The following ZNF195 variants were observed in gnomAD, a reference collection of about 807,000 sequenced individuals.
ZNF195 encodes hypoxia-regulated factor-1.
In ZNF195, 11 loss-of-function variants were observed where a neutral mutation model predicts 19.5. The observed-to-expected ratio is 0.57, with a 90% CI of 0.36 to 0.94. The LOEUF is 0.94. ZNF195 is among the 40% of genes least tolerant of loss of function. The probability of loss-of-function intolerance (pLI) is 0.01; values close to 1 mark genes in which losing one functional copy is unlikely to be tolerated. For synonymous variants in ZNF195, 214 were observed against 248.1 expected (o/e 0.86, Z 1.29); for missense variants, 582 against 709.0 (o/e 0.82, Z 2.03).
At chr11:3,369,672 G>A (rs930836036) in intron 3 of ZNF195, among the ~76,000 whole-genome samples, 1 of 152,220 alleles carries the variant, frequency 6.6e-6, no homozygotes, top group Non-Finnish European at 1.5e-5. Flanking sequence ...CTCAGACGTG[G>A]AATCTGTCGT....
chr11:3,375,089 C>T (rs1849390095), intron 1 of ZNF195, among the ~76,000 whole-genome samples: 1 of 152,190 alleles, frequency 6.6e-6, no homozygotes, highest in Admixed American at 6.5e-5. Context: ...AAACCCAAAA[C>T]TCTGATTTAA....
Position 3,371,077 on chromosome 11 carries a change from TA to T in ZNF195, c.131-8del. ...GGCTTACAGACAGTGAGACCTGTTTTATTAGAAAAAAGTGACATTACTCTTG... is the reference window on the plus strand; with the variant it reads ...GGCTTACAGACAGTGAGACCTGTTTTTTAGAAAAAAGTGACATTACTCTTG... On this transcript the variant is annotated splice_region_variant and splice_polypyrimidine_tract_variant and intron_variant, in intron 2 of 5. Transcript: ENST00000399602. 1 of 1,611,372 alleles carries T rather than the reference TA, an allele frequency of 6.2e-7. No individual in the cohort carries two copies. The highest frequency in any genetic ancestry group is 8.5e-7 in the Non-Finnish European group (1 of 1,178,070).
chr11:3,369,539 T>G (rs1020103933), intron 3 of ZNF195: 6 of 445,848 alleles, frequency 1.3e-5, no homozygotes, highest in Non-Finnish European at 2.7e-5. Flanking sequence ...AAATAGACAA[T>G]AGAATATTAC....
chr11:3,379,063 G>A lies in ZNF195; in HGVS notation c.-23C>T, dbSNP rs1003292605. 3.3e-6 allele frequency: 5 copies of A among 1,496,894 alleles called. No individual in the cohort carries two copies. In the Admixed American group the frequency reaches 1.0e-4, roughly 31 times the overall value. The allele number at this position is 1,496,894 out of a possible 1,614,324, so 92.7% of individuals were successfully genotyped here. On this transcript the variant is annotated 5_prime_UTR_variant, in exon 1 of 6. Coordinates refer to ENST00000399602, the MANE Select transcript of ZNF195 (RefSeq NM_001130520.3). ...CATCTCCTGGCCTCCAGAGAGCCTG[G>A]CGTTTCACTTCTGGATCTCCCGGTG...
At chr11:3,371,439 C>G in intron 2 of ZNF195, 138 bp downstream of exon 2, 1 of 1,075,458 alleles carries the variant, frequency 9.3e-7, no homozygotes. Context: ...TTTACATCAA[C>G]TATTCCCCAT....
At chr11:3,366,010 C>A (rs1848862406) in intron 3 of ZNF195, among the ~76,000 whole-genome samples, 1 of 152,002 alleles carries the variant, frequency 6.6e-6, no homozygotes, top group Non-Finnish European at 1.5e-5. Flanking sequence ...ATAATCCCAG[C>A]ACTTTGGGAG....
intron 1 of ZNF195, among the ~76,000 whole-genome samples, chr11:3,378,202 C>T (rs1250994005): frequency 1.3e-5 from 2 of 151,890 alleles, no homozygotes; most frequent in African/African-American, 4.8e-5. Context: ...CTCAGCTACT[C>T]GGGAGGCTGA....
intron 3 of ZNF195, chr11:3,366,832 A>G (rs1226319351): frequency 7.2e-6 from 3 of 415,714 alleles, no homozygotes; most frequent in Non-Finnish European, 1.5e-5. Flanking sequence ...CGGGAGACCG[A>G]GGCGGGTGGA....
intron 3 of ZNF195, among the ~76,000 whole-genome samples, chr11:3,369,868 T>G (rs1849105275): frequency 6.6e-6 from 1 of 152,252 alleles, no homozygotes; most frequent in Non-Finnish European, 1.5e-5. Context: ...CGGTAGACAT[T>G]AACTGTTCTC....
chr11:3,376,927 T>C (rs1206376735), intron 1 of ZNF195, among the ~76,000 whole-genome samples: 1 of 152,212 alleles, frequency 6.6e-6, no homozygotes, highest in Admixed American at 6.5e-5. Flanking sequence ...TTGTAGAAAA[T>C]GTAAACATTC....
rs1037608771 is a variant in ZNF195, at chr11:3,371,661, C to T, written c.46G>A (p.Glu16Lys). 2 of 1,613,002 alleles carry T rather than the reference C, an allele frequency of 1.2e-6. No individual in the cohort carries two copies. Among genetic ancestry groups the T allele is most frequent in the African/African-American group, 1.3e-5 (1 of 74,872 alleles). Reference sequence around the variant, plus strand: ...GCGAGGTCCAGGCATTTCCACTCCTCCAGGGAGAATTCTATGGCCACATCC... The same window carrying T: ...GCGAGGTCCAGGCATTTCCACTCCTTCAGGGAGAATTCTATGGCCACATCC... ...FRDVAIEFSL[E>K]EWKCLDLAQQ... is the part of the protein sequence containing the mutation. Residue 16 changes from glutamate (E) to lysine (K), a missense_variant, in exon 2 of 6, where the codon GAG (glutamate) becomes AAG (lysine). Glu to Lys is a moderately conservative substitution (Grantham distance 56). This residue lies in a region of ZNF195 where 46 missense variants were observed against 66.5 expected (regional missense o/e 0.69). Transcript: ENST00000399602.
chr11:3,367,503 CATT>C (rs1295248350), intron 3 of ZNF195, among the ~76,000 whole-genome samples: 3 of 152,016 alleles, frequency 2.0e-5, no homozygotes, highest in Non-Finnish European at 2.9e-5. Context: ...GCACTACAAT[CATT>C]ATGAAAAGAC....
At position 3,359,983 on chromosome 11, in the gene ZNF195, A is replaced by T. The variant is rs1848548526; in HGVS notation, c.1025T>A (p.Leu342His). ...CTCAGTACCATGCTCATGTTCAGTAAGGTGGGAGCACTGGTTAAATACTTT... is the reference window on the plus strand; with the variant it reads ...CTCAGTACCATGCTCATGTTCAGTATGGTGGGAGCACTGGTTAAATACTTT... ...FGKVFNQCSH[L>H]TEHEHGTEEK... Residue 342 changes from leucine (L) to histidine (H), a missense_variant, in exon 6 of 6, where the codon CTT (leucine) becomes CAT (histidine). Leu to His is a moderately conservative substitution (Grantham distance 99). Transcript: ENST00000399602. The surrounding 1 kb of genome is among the most constrained non-coding windows in gnomAD (Gnocchi z 5.5). The T allele has an allele frequency of 6.2e-7, 1 of 1,614,014 alleles. No homozygotes were observed. Among genetic ancestry groups the T allele is most frequent in the Non-Finnish European group, 8.5e-7 (1 of 1,180,044 alleles).
At chr11:3,364,502 C>G (rs1848772922) in intron 3 of ZNF195, among the ~76,000 whole-genome samples, 1 of 151,732 alleles carries the variant, frequency 6.6e-6, no homozygotes. Context: ...TCTTTGCTAC[C>G]AGACACAAAA....
Position 3,359,054 on chromosome 11 carries a change from T to C in ZNF195, c.*64A>G, listed in dbSNP as rs575870791. ...TAACTTTATTAAGTCTGAACTCTGA[T>C]GTAAAGTGGGATGCGAGCAGATACT... On this transcript the variant is annotated 3_prime_UTR_variant, in exon 6 of 6. Transcript: ENST00000399602. The surrounding 1 kb of genome is among the most constrained non-coding windows in gnomAD (Gnocchi z 5.5). The C allele has an allele frequency of 2.0e-5, 30 of 1,479,184 alleles. No homozygotes were observed. The African/African-American group carries it at 3.8e-4, about 19-fold the overall frequency. The allele number at this position is 1,479,184 out of a possible 1,614,324, so 91.6% of individuals were successfully genotyped here.
chr11:3,376,245 G>A (rs7102550), intron 1 of ZNF195, among the ~76,000 whole-genome samples: 96,242 of 151,332 alleles, frequency 0.64, 31,209 homozygotes, highest in Middle Eastern at 0.73. Context: ...GAGGCTCCTT[G>A]GGAAGCACTA....
intron 3 of ZNF195, among the ~76,000 whole-genome samples, 189 bp downstream of exon 3, chr11:3,370,786 A>C (rs1849166804): frequency 1.3e-5 from 2 of 152,240 alleles, no homozygotes; most frequent in Non-Finnish European, 2.9e-5. Flanking sequence ...AACAGGAAGC[A>C]GAGTCTATAC....
chr11:3,360,645 T>G, intron 5 of ZNF195, 75 bp downstream of exon 5: 1 of 1,557,332 alleles, frequency 6.4e-7, no homozygotes, highest in Non-Finnish European at 8.7e-7. Context: ...AAAATAATAC[T>G]GGGTACATTA....
chr11:3,361,983 T>C (rs1263441609), intron 3 of ZNF195, 94 bp from the exon 4 acceptor site: 3 of 436,334 alleles, frequency 6.9e-6, no homozygotes, highest in Middle Eastern at 7.2e-4. Flanking sequence ...CACCTGAACC[T>C]GGGAAGTGGA....
Sources: gnomAD v4.1 joint callset for allele counts (sites outside exome capture counted in the v4.1 genomes callset) on GRCh38, gnomAD v4.1.1 for gene constraint, gnomAD v4.1.1 regional missense constraint, Gnocchi (gnomAD v3.1) non-coding constraint, MANE v1.5 for transcripts, NCBI Gene and HGNC (gene_info 2026-07-23, HGNC 2026-07-21) for gene names.